Variants in LPIN1 observed in about 807,000 individuals in gnomAD.
LPIN1 encodes the protein lipin 1, also known as phosphatidate phosphatase LPIN1.
In LPIN1, 71 loss-of-function variants were observed where a neutral mutation model predicts 107.5. That is an observed-to-expected ratio of 0.66 (90% confidence interval 0.55 to 0.80). The LOEUF (loss-of-function observed/expected upper bound fraction) is 0.80. LPIN1 is among the 30% of genes least tolerant of loss of function. LPIN1 has a pLI of 0.00. For missense variants in LPIN1, 1,043 were observed against 1,160.6 expected, an observed-to-expected ratio of 0.90 and a Z score of 1.47; for synonymous variants, 445 against 452.6, an observed-to-expected ratio of 0.98 and a Z score of 0.21.
rs1177387394 is a variant in LPIN1 at position 11,826,217 on chromosome 2, G to T, written c.*1426G>T. 1 of 152,610 alleles carries T rather than the reference G, an allele frequency of 6.6e-6. No individual in the cohort carries two copies. Among genetic ancestry groups the T allele is most frequent in the African/African-American group, 2.4e-5 (1 of 41,440 alleles). 9.5% of individuals were successfully genotyped at this position (152,610 alleles called of 1,614,324 possible). A position where few individuals can be genotyped will look rare whatever the true frequency, so the allele number is the denominator to read the frequency against. ...GTTAGAATCACAGGAGGCAAAAAAT[G>T]GAACGGTTGAATGAAATTTTACTCT... On this transcript the variant is annotated 3_prime_UTR_variant, in exon 21 of 21. Transcript: ENST00000674199.
intron 17 of LPIN1, among the ~76,000 whole-genome samples, chr2:11,814,376 G>A (rs1680200911): frequency 6.6e-6 from 1 of 152,184 alleles, no homozygotes; most frequent in African/African-American, 2.4e-5. Flanking sequence ...TCTGCTAGGA[G>A]TGTGAGGAGA....
chr2:11,787,392 CTTTTTCTTTT>C (rs1347552215), intron 11 of LPIN1, among the ~76,000 whole-genome samples: 2 of 113,692 alleles, frequency 1.8e-5, no homozygotes, highest in Non-Finnish European at 3.5e-5. Flanking sequence ...CTTTTCTTTT[CTTTTTCTTTT>C]TTTTTTTTTT....
intron 1 of LPIN1, among the ~76,000 whole-genome samples, chr2:11,756,612 G>A (rs1012556957): frequency 6.6e-6 from 1 of 152,142 alleles, no homozygotes; most frequent in African/African-American, 2.4e-5. Context: ...GGCCAGGCTG[G>A]TCTCGAATTC....
At chr2:11,698,528 G>A (rs1662702771) in intron 1 of LPIN1, among the ~76,000 whole-genome samples, 1 of 152,186 alleles carries the variant, frequency 6.6e-6, no homozygotes, top group East Asian at 1.9e-4. Context: ...ACCCACTCAC[G>A]TGTGAGCTGG....
At chr2:11,730,815 G>C (rs1400129985) in intron 1 of LPIN1, among the ~76,000 whole-genome samples, 1 of 152,162 alleles carries the variant, frequency 6.6e-6, no homozygotes, top group African/African-American at 2.4e-5. Context: ...TGGTTTGTCA[G>C]AGGAATACCT....
chr2:11,784,102 C>G, intron 9 of LPIN1, 180 bp downstream of exon 9: 4 of 1,046,212 alleles, frequency 3.8e-6, no homozygotes, highest in Non-Finnish European at 5.3e-6. Flanking sequence ...GTCAGGAGTT[C>G]AAGACCACCC....
upstream of LPIN1, among the ~76,000 whole-genome samples, chr2:11,742,908 G>T (rs1229141819): frequency 6.6e-6 from 1 of 152,240 alleles, no homozygotes; most frequent in Non-Finnish European, 1.5e-5. Flanking sequence ...TGCTGTGCAT[G>T]TGCTGCTGGC....
intron 12 of LPIN1, 30 bp downstream of exon 12, chr2:11,788,486 A>T (rs1314693841): frequency 1.3e-6 from 2 of 1,536,082 alleles, no homozygotes; most frequent in Middle Eastern, 1.7e-4. Flanking sequence ...AGAAAAGGGG[A>T]TGCTAGAAAT....
intron 2 of LPIN1, among the ~76,000 whole-genome samples, chr2:11,716,141 A>G (rs1484808240): frequency 1.3e-5 from 2 of 152,170 alleles, no homozygotes; most frequent in African/African-American, 4.8e-5. Flanking sequence ...ACTGCAGTCC[A>G]CAGTGGACGG....
intron 1 of LPIN1, among the ~76,000 whole-genome samples, chr2:11,753,678 T>C (rs1668212547): frequency 6.6e-6 from 1 of 152,240 alleles, no homozygotes; most frequent in African/African-American, 2.4e-5. Flanking sequence ...AGGTAATTCA[T>C]CACCCTTATC....
Position 11,697,723 on chromosome 2 carries a change from T to C in LPIN1, c.82-16033T>C, listed in dbSNP as rs1401872105. Among the ~76,000 whole-genome samples, 1 of 152,194 alleles carries C rather than the reference T, an allele frequency of 6.6e-6. No individual in the cohort carries two copies. The highest frequency in any genetic ancestry group is 1.5e-5 in the Non-Finnish European group (1 of 68,032). ...CCTGAATCACACTGAGTCATCCTGT[T>C]GGCCTTGCTGGTGTGTGAGTGCTGG... On this transcript the variant is annotated intron_variant, in intron 1 of 21. Coordinates refer to the LPIN1 transcript ENST00000449576. This position sits in a 1 kb window ranked among gnomAD's most constrained non-coding sequence, Gnocchi z 4.6.
intron 1 of LPIN1, among the ~76,000 whole-genome samples, chr2:11,678,955 G>A (rs556438354): frequency 1.2e-4 from 19 of 152,334 alleles, no homozygotes; most frequent in African/African-American, 4.3e-4. Context: ...CATTTTTGTG[G>A]TTAGTCAGGG....
In LPIN1 at chr2:11,772,257, T is replaced by G. The variant is rs565499545; in HGVS notation, c.596+578T>G. Among the ~76,000 whole-genome samples the G allele has an allele frequency of 5.3e-5, 8 of 152,326 alleles. No individual in the cohort carries two copies. In the East Asian group the frequency reaches 9.7e-4, roughly 18 times the overall value. Reference sequence around the variant, plus strand: ...TCACCTCCTGCCATGTGGCCCAGTTTCTAACAGGGGCATGGACCCCAGGGG... The same window carrying G: ...TCACCTCCTGCCATGTGGCCCAGTTGCTAACAGGGGCATGGACCCCAGGGG... On this transcript the variant is annotated intron_variant, in intron 4 of 20. Coordinates refer to ENST00000674199, the MANE Select transcript of LPIN1 (RefSeq NM_001349206.2).
intron 1 of LPIN1, among the ~76,000 whole-genome samples, chr2:11,700,009 C>T (rs1251055967): frequency 1.3e-5 from 2 of 152,200 alleles, no homozygotes; most frequent in African/African-American, 4.8e-5. Context: ...AAGCACCTGG[C>T]ACAGCCCTTG....
chr2:11,713,272 A>G (rs1162268024), intron 1 of LPIN1, among the ~76,000 whole-genome samples: 1 of 152,114 alleles, frequency 6.6e-6, no homozygotes, highest in African/African-American at 2.4e-5. Flanking sequence ...AAGACACCAC[A>G]TTCTTTGTGT....
intron 13 of LPIN1, among the ~76,000 whole-genome samples, chr2:11,793,613 TG>T (rs1425628420): frequency 1.3e-5 from 2 of 152,194 alleles, no homozygotes; most frequent in East Asian, 1.9e-4. Flanking sequence ...CCTTCTACCC[TG>T]GGGGCTTTGC....
At chr2:11,789,618 C>T (rs923160884) in intron 12 of LPIN1, among the ~76,000 whole-genome samples, 1 of 152,112 alleles carries the variant, frequency 6.6e-6, no homozygotes, top group African/African-American at 2.4e-5. Context: ...ACCGCAGTCT[C>T]ATCCTGGGTG....
rs546979072 is a variant in LPIN1 at position 11,784,901 on chromosome 2, A to C, written c.1374A>C (p.Gly458=). ...LYFPKNGDPS[G]LAKHASDNGA... ...CTCCTTCCAGCGGAGATCCTTCCGG[A>C]CTCGCAAAACATGCAAGCGACAACG... The change falls in exon 10 of 21, where the codon GGA becomes GGC. Residue 458 remains glycine (G), a synonymous_variant. Coordinates refer to ENST00000674199, the MANE Select transcript of LPIN1 (RefSeq NM_001349206.2). 84 of 1,613,712 alleles carry C rather than the reference A, an allele frequency of 5.2e-5. No individual in the cohort carries two copies. The East Asian group carries it at 8.2e-4, about 16-fold the overall frequency.
Position 11,771,907 on chromosome 2 carries a change from T to C in LPIN1, c.596+228T>C, listed in dbSNP as rs2148634586. Among the ~76,000 whole-genome samples the C allele has an allele frequency of 6.6e-6, 1 of 152,206 alleles. No individual in the cohort carries two copies. The highest frequency in any genetic ancestry group is 1.9e-4 in the East Asian group (1 of 5,194). ...AAGCATATTACATTTATTGTGCTCT[T>C]TATTTCCATTACTATTACATTGTAA... On this transcript the variant is annotated intron_variant, in intron 4 of 20. Transcript: ENST00000674199. The surrounding 1 kb of genome is among the most constrained non-coding windows in gnomAD (Gnocchi z 4.8).
Sources: gnomAD v4.1 joint callset for allele counts (sites outside exome capture counted in the v4.1 genomes callset) on GRCh38, gnomAD v4.1.1 for gene constraint, Gnocchi (gnomAD v3.1) non-coding constraint, MANE v1.5 for transcripts, NCBI Gene and HGNC (gene_info 2026-07-23, HGNC 2026-07-21) for gene names.